Variants in MSANTD5 observed in about 807,000 individuals in gnomAD.
The protein encoded by MSANTD5 is Myb/SANT DNA binding domain containing 5.
At chr5:178,706,445 G>C in the MSANTD5 span, among the ~76,000 whole-genome samples, 1 of 152,046 alleles carries the variant, frequency 6.6e-6, no homozygotes, top group Non-Finnish European at 1.5e-5. Context: ...GGTGGCAGAG[G>C]GGGTGCATTC....
intron 1 of MSANTD5, among the ~76,000 whole-genome samples, chr5:178,696,775 G>C (rs1765417203): frequency 6.6e-6 from 1 of 151,982 alleles, no homozygotes; most frequent in African/African-American, 2.4e-5. Flanking sequence ...GCAAGTACAG[G>C]ACACAGAAGC....
chr5:178,705,882 G>A, the MSANTD5 span, among the ~76,000 whole-genome samples: 5 of 151,578 alleles, frequency 3.3e-5, no homozygotes, highest in Non-Finnish European at 5.9e-5. Flanking sequence ...GCGTGAACCC[G>A]GGAGGCAGAG....
the MSANTD5 span, chr5:178,707,106 G>T: frequency 1.3e-5 from 2 of 152,070 alleles, no homozygotes. Flanking sequence ...ATAAGGATAG[G>T]GGTGACTACT....
upstream of MSANTD5, among the ~76,000 whole-genome samples, chr5:178,701,391 T>A (rs7715687): frequency 0.66 from 100,592 of 151,860 alleles, 34,930 homozygotes; most frequent in East Asian, 0.76. Context: ...TGGAAACTAG[T>A]AGGGCAACAA....
chr5:178,703,173 C>T, the MSANTD5 span, among the ~76,000 whole-genome samples: 1 of 152,224 alleles, frequency 6.6e-6, no homozygotes, highest in African/African-American at 2.4e-5. Flanking sequence ...GCTGCTTTGT[C>T]CACCTGTTGC....
the MSANTD5 span, among the ~76,000 whole-genome samples, chr5:178,705,616 CA>C: frequency 6.6e-6 from 1 of 152,120 alleles, no homozygotes; most frequent in Non-Finnish European, 1.5e-5. Flanking sequence ...TCAACTTGCA[CA>C]AGGATTTGGA....
chr5:178,701,883 A>G (rs989283948), upstream of MSANTD5, among the ~76,000 whole-genome samples: 3 of 150,022 alleles, frequency 2.0e-5, no homozygotes, highest in Non-Finnish European at 4.4e-5. Context: ...ACAAACATGC[A>G]CCACCATGCC....
At chr5:178,698,001 T>C (rs181789737), upstream of MSANTD5, among the ~76,000 whole-genome samples, 34 of 152,272 alleles carry the variant, frequency 2.2e-4, no homozygotes. Flanking sequence ...AGGGATGGGT[T>C]GTTACATTCC....
the MSANTD5 span, among the ~76,000 whole-genome samples, chr5:178,703,680 A>G: frequency 1.3e-5 from 2 of 152,036 alleles, no homozygotes; most frequent in Non-Finnish European, 2.9e-5. Context: ...AGTCTTGACC[A>G]TAAAGAAAAG....
At chr5:178,704,851 C>T in the MSANTD5 span, among the ~76,000 whole-genome samples, 490 of 152,252 alleles carry the variant, frequency 3.2e-3, 1 homozygote, top group Non-Finnish European at 6.1e-3. Context: ...ACACTCTTAA[C>T]CCAGCCGTGG....
At chr5:178,707,057 A>T in the MSANTD5 span, 1 of 152,168 alleles carries the variant, frequency 6.6e-6, no homozygotes, top group South Asian at 2.1e-4. Flanking sequence ...TCTCAGAAAG[A>T]TAAAAGTCAC....
upstream of MSANTD5, among the ~76,000 whole-genome samples, chr5:178,702,534 C>G (rs1765500162): frequency 6.6e-6 from 1 of 151,706 alleles, no homozygotes; most frequent in Non-Finnish European, 1.5e-5. Context: ...CTCCTGACCT[C>G]ATGATCCGCC....
At chr5:178,700,590 G>T (rs1443367385), upstream of MSANTD5, among the ~76,000 whole-genome samples, 1 of 152,184 alleles carries the variant, frequency 6.6e-6, no homozygotes, top group Non-Finnish European at 1.5e-5. Flanking sequence ...AGAACTGCCA[G>T]GCTTCAGGCT....
At chr5:178,697,237 G>T (rs914559297) in intron 1 of MSANTD5, among the ~76,000 whole-genome samples, 5 of 151,692 alleles carry the variant, frequency 3.3e-5, no homozygotes, top group Admixed American at 2.0e-4. Flanking sequence ...GGCGGATCAC[G>T]AGGTCAGGAG....
intron 1 of MSANTD5, among the ~76,000 whole-genome samples, chr5:178,697,057 CCA>C (rs905603246): frequency 1.3e-5 from 2 of 152,056 alleles, no homozygotes; most frequent in African/African-American, 4.8e-5. Context: ...GTCAAATTAC[CCA>C]CAGACTGAAG....
chr5:178,695,308 A>T (rs1230037412), exon 3 of MSANTD5: 1 of 152,310 alleles, frequency 6.6e-6, no homozygotes, highest in East Asian at 1.9e-4. Flanking sequence ...CTGATCTTCC[A>T]TCTGTACCCC....
the MSANTD5 span, among the ~76,000 whole-genome samples, chr5:178,705,194 T>G: frequency 2.6e-5 from 4 of 152,072 alleles, no homozygotes; most frequent in East Asian, 7.7e-4. Context: ...ATTACAGGCA[T>G]GCGCAAGCAA....
In MSANTD5 at chr5:178,697,320, G is replaced by A. The variant is rs113383419; in HGVS notation, c.6+266C>T. Among the ~76,000 whole-genome samples, 1,072 of 151,714 alleles carry A rather than the reference G, an allele frequency of 7.1e-3. 17 individuals carry two copies. The highest frequency in any genetic ancestry group is 0.024 in the African/African-American group (985 of 41,062). On this transcript the variant is annotated intron_variant, in intron 1 of 3. Transcript: ENST00000648368. ...ATACAAAAAATTAGCCGGGCGTGGTGGCGGGCGCCTGTAGTCCCAGCTACT... is the reference window on the plus strand; with the variant it reads ...ATACAAAAAATTAGCCGGGCGTGGTAGCGGGCGCCTGTAGTCCCAGCTACT...
chr5:178,706,565 G>A, the MSANTD5 span, among the ~76,000 whole-genome samples: 2 of 151,640 alleles, frequency 1.3e-5, no homozygotes, highest in African/African-American at 4.9e-5. Flanking sequence ...TCCCTCTCCT[G>A]CTTGCAGGAT....
Sources: gnomAD v4.1 joint callset for allele counts (sites outside exome capture counted in the v4.1 genomes callset) on GRCh38, gnomAD v4.1.1 for gene constraint, MANE v1.5 for transcripts, NCBI Gene and HGNC (gene_info 2026-07-23, HGNC 2026-07-21) for gene names.